Variants in CDH18 observed in about 807,000 individuals in gnomAD.
The protein encoded by CDH18 is cadherin-18.
In CDH18, 31 loss-of-function variants were observed where a neutral mutation model predicts 67.9. The observed-to-expected ratio is 0.46, with a 90% CI of 0.34 to 0.62. The LOEUF (loss-of-function observed/expected upper bound fraction) is 0.62, where lower values mean the gene tolerates loss of function less well. Among genes scored for constraint, CDH18 ranks in the 20% least tolerant of loss-of-function variants. The pLI, the probability that CDH18 is intolerant of heterozygous loss-of-function variation, is 0.01. For synonymous variants in CDH18, 362 were observed against 347.2 expected (o/e 1.04, Z -0.48); for missense variants, 890 against 975.5 (o/e 0.91, Z 1.17).
At chr5:19,699,681 T>C (rs535324608) in intron 5 of CDH18, among the ~76,000 whole-genome samples, 52 of 151,764 alleles carry the variant, frequency 3.4e-4, no homozygotes, top group African/African-American at 1.2e-3. Context: ...TCTCTTCATC[T>C]CTCTCTCTGC....
intron 1 of CDH18, among the ~76,000 whole-genome samples, chr5:20,292,706 C>A (rs1747193142): frequency 6.6e-6 from 1 of 151,986 alleles, no homozygotes; most frequent in African/African-American, 2.4e-5. Flanking sequence ...GTTTTGCTAT[C>A]AATTCTTGAG....
At chr5:19,548,633 T>C (rs1005000098) in intron 8 of CDH18, among the ~76,000 whole-genome samples, 3 of 152,062 alleles carry the variant, frequency 2.0e-5, no homozygotes, top group Admixed American at 6.6e-5. Context: ...GTACTATTAC[T>C]AGCTCCCTTT....
chr5:20,291,954 T>G (rs1382657409), intron 1 of CDH18, among the ~76,000 whole-genome samples: 1 of 152,156 alleles, frequency 6.6e-6, no homozygotes, highest in Non-Finnish European at 1.5e-5. Context: ...TTGACCTCTT[T>G]CCCGTAATTT....
intron 2 of CDH18, among the ~76,000 whole-genome samples, chr5:20,167,841 T>C (rs1736411488): frequency 6.6e-6 from 1 of 152,200 alleles, no homozygotes; most frequent in African/African-American, 2.4e-5. Flanking sequence ...CTCAATCTAC[T>C]TTCTGCCTGA....
At chr5:20,325,481 C>T (rs1039464843) in intron 1 of CDH18, among the ~76,000 whole-genome samples, 34 of 152,036 alleles carry the variant, frequency 2.2e-4, no homozygotes, top group Admixed American at 1.0e-3. Context: ...ATAATCAGAG[C>T]GAAACAAACA....
intron 2 of CDH18, among the ~76,000 whole-genome samples, chr5:20,157,280 C>G (rs1455389584): frequency 6.6e-6 from 1 of 152,184 alleles, no homozygotes; most frequent in African/African-American, 2.4e-5. Flanking sequence ...AGATTGACTA[C>G]TGCATTCAGA....
intron 2 of CDH18, among the ~76,000 whole-genome samples, chr5:20,185,270 C>A (rs987962542): frequency 6.6e-6 from 1 of 152,024 alleles, no homozygotes; most frequent in African/African-American, 2.4e-5. Context: ...ATCCACAGTC[C>A]ACTATATATT....
At chr5:20,327,406 A>G (rs974728041) in intron 1 of CDH18, among the ~76,000 whole-genome samples, 19 of 152,176 alleles carry the variant, frequency 1.2e-4, no homozygotes, top group African/African-American at 4.3e-4. Context: ...TAGATTTACT[A>G]TGGCAAAACA....
At chr5:20,432,308 A>G (rs567669895) in intron 1 of CDH18, among the ~76,000 whole-genome samples, 4 of 152,266 alleles carry the variant, frequency 2.6e-5, no homozygotes, top group Admixed American at 2.6e-4. Context: ...GCCTAATGCC[A>G]ATTTGACATT....
intron 2 of CDH18, among the ~76,000 whole-genome samples, chr5:20,050,219 G>A (rs1288908290): frequency 6.6e-6 from 1 of 151,804 alleles, no homozygotes; most frequent in East Asian, 1.9e-4. Context: ...GGTTTCTATT[G>A]TATTTTGTCT....
chr5:20,310,893 A>G (rs1189314581), intron 1 of CDH18, among the ~76,000 whole-genome samples: 2 of 152,182 alleles, frequency 1.3e-5, no homozygotes, highest in African/African-American at 2.4e-5. Context: ...TCATGCCCTC[A>G]GTAAATCCCC....
rs1450698624 is a variant in CDH18, at chr5:19,970,768, G to A, written c.-257+10292C>T. On this transcript the variant is annotated intron_variant, in intron 2 of 12. Transcript: ENST00000382275. The stretch of plus-strand genomic sequence containing the variant: ...TACCGTAAAATAATATTTAATCTTT[G>A]AGATTAAATATTATTCTACATATAT... Among the ~76,000 whole-genome samples the A allele has an allele frequency of 2.0e-5, 3 of 150,320 alleles. No homozygotes were observed. The East Asian group carries it at 5.8e-4, about 29-fold the overall frequency.
intron 1 of CDH18, among the ~76,000 whole-genome samples, chr5:20,408,973 G>A (rs1746533814): frequency 6.6e-6 from 1 of 151,796 alleles, no homozygotes; most frequent in Non-Finnish European, 1.5e-5. Flanking sequence ...AACTGCAAGA[G>A]ACAAAGAAGG....
chr5:19,943,949 T>G (rs1477063038), intron 2 of CDH18, among the ~76,000 whole-genome samples: 1 of 152,096 alleles, frequency 6.6e-6, no homozygotes, highest in Non-Finnish European at 1.5e-5. Flanking sequence ...TTACATGTAT[T>G]CATTGTGACT....
intron 1 of CDH18, chr5:20,305,744 C>T: frequency 3.0e-6 from 1 of 338,462 alleles, no homozygotes; most frequent in South Asian, 3.1e-5. Flanking sequence ...GGGAACCGCG[C>T]CGAACACGCT....
chr5:19,901,767 C>T (rs990672843), intron 2 of CDH18, among the ~76,000 whole-genome samples: 1 of 151,738 alleles, frequency 6.6e-6, no homozygotes, highest in South Asian at 2.1e-4. Context: ...CATATTATGG[C>T]AATTTGTGAA....
intron 2 of CDH18, among the ~76,000 whole-genome samples, chr5:20,238,305 CTG>C (rs1742629057): frequency 6.6e-6 from 1 of 151,882 alleles, no homozygotes; most frequent in African/African-American, 2.4e-5. Context: ...ACGTGATAAA[CTG>C]AGAGAAATTA....
intron 3 of CDH18, among the ~76,000 whole-genome samples, chr5:19,791,998 C>T (rs1776410464): frequency 6.6e-6 from 1 of 152,112 alleles, no homozygotes; most frequent in Non-Finnish European, 1.5e-5. Context: ...CTTTTTACCA[C>T]ATATGATGAT....
intron 6 of CDH18, among the ~76,000 whole-genome samples, chr5:19,594,298 C>T (rs574910569): frequency 8.6e-5 from 13 of 152,034 alleles, no homozygotes; most frequent in East Asian, 1.9e-4. Context: ...ATTACAGGCC[C>T]GCACCACCAC....
Sources: gnomAD v4.1 joint callset for allele counts (sites outside exome capture counted in the v4.1 genomes callset) on GRCh38, gnomAD v4.1.1 for gene constraint, MANE v1.5 for transcripts, NCBI Gene and HGNC (gene_info 2026-07-23, HGNC 2026-07-21) for gene names.